HIF3A: variants seen among roughly 807,000 people sequenced by gnomAD.
HIF3A encodes hypoxia-inducible factor 3-alpha.
HIF3A carries 41 observed loss-of-function variants against 67.2 expected under a neutral mutation model. The ratio of observed to expected loss-of-function variants is 0.61; its 90% CI spans 0.48 to 0.79. The LOEUF (loss-of-function observed/expected upper bound fraction) is 0.79. Among genes scored for constraint, HIF3A ranks in the 30% least tolerant of loss-of-function variants. The pLI, the probability that HIF3A is intolerant of heterozygous loss-of-function variation, is 0.00. For synonymous variants in HIF3A, 356 were observed against 374.8 expected, an observed-to-expected ratio of 0.95 and a Z score of 0.58; for missense variants, 855 against 898.0, an observed-to-expected ratio of 0.95 and a Z score of 0.61.
chr19:46,337,967 G>A (rs543424067), intron 14 of HIF3A, among the ~76,000 whole-genome samples: 27 of 152,306 alleles, frequency 1.8e-4, no homozygotes, highest in African/African-American at 5.3e-4. Context: ...ATGGGTGGGC[G>A]GTGGCTAAGC....
At chr19:46,326,946 G>A (rs1191502123) in intron 11 of HIF3A, among the ~76,000 whole-genome samples, 1 of 152,140 alleles carries the variant, frequency 6.6e-6, no homozygotes, top group Non-Finnish European at 1.5e-5. Context: ...GAGGTCAGGA[G>A]ATCAAGACCG....
chr19:46,298,530 A>G (rs1326069272), intron 1 of HIF3A: 3 of 1,263,354 alleles, frequency 2.4e-6, no homozygotes, highest in Non-Finnish European at 3.1e-6. Flanking sequence ...TGGGCCCCCA[A>G]CACCTCCTTT....
At chr19:46,324,945 T>TATATATATATACACATATATATATAC (rs1970653823) in intron 10 of HIF3A, among the ~76,000 whole-genome samples, 3 of 130,326 alleles carry the variant, frequency 2.3e-5, no homozygotes, top group African/African-American at 6.0e-5. Context: ...TATATATACA[T>TATATATATATACACATATATATATAC]ATATATATAT....
chr19:46,302,221 CCA>C (rs1301918184), intron 1 of HIF3A, among the ~76,000 whole-genome samples: 4 of 151,626 alleles, frequency 2.6e-5, no homozygotes, highest in Non-Finnish European at 4.4e-5. Flanking sequence ...CCTCCACCTC[CCA>C]GGTTCAAGCG....
In HIF3A at chr19:46,332,478, T is replaced by C. The variant is rs182457523; in HGVS notation, c.1830+1205T>C. Among the ~76,000 whole-genome samples the C allele has an allele frequency of 1.8e-3, 267 of 152,230 alleles. 1 individual carries two copies. Among genetic ancestry groups the C allele is most frequent in the African/African-American group, 5.7e-3 (237 of 41,532 alleles). ...TCACCCGAGCCTGGGAGGTCAAGGC[T>C]GTAGTGAGCCATGATCGTGCCACTG... On this transcript the variant is annotated intron_variant, in intron 13 of 14. Coordinates refer to ENST00000377670, the MANE Select transcript of HIF3A (RefSeq NM_152795.4).
intron 10 of HIF3A, among the ~76,000 whole-genome samples, chr19:46,322,812 A>G (rs1970475376): frequency 6.6e-6 from 1 of 152,108 alleles, no homozygotes; most frequent in Non-Finnish European, 1.5e-5. Context: ...TTACTGGTTC[A>G]TTGTCAAGGA....
chr19:46,301,583 T>C (rs951905907), intron 1 of HIF3A, among the ~76,000 whole-genome samples: 4 of 152,094 alleles, frequency 2.6e-5, no homozygotes, highest in African/African-American at 4.8e-5. Context: ...CCCAGCACTT[T>C]GGGAGGCTGA....
At chr19:46,324,825 A>G (rs1172892331) in intron 10 of HIF3A, among the ~76,000 whole-genome samples, 1 of 148,372 alleles carries the variant, frequency 6.7e-6, no homozygotes, top group Non-Finnish European at 1.5e-5. Context: ...TTGCACTCCA[A>G]CCTGGGTGAC....
Position 46,308,723 on chromosome 19 carries a change from G to A in HIF3A, c.509G>A (p.Ser170Asn), listed in dbSNP as rs764928348. Residue 170 changes from serine to asparagine, a missense_variant, in exon 5 of 15, where the codon AGT (serine) becomes AAT (asparagine). Physicochemically the swap from Ser to Asn is conservative, Grantham distance 46. Coordinates refer to ENST00000377670, the MANE Select transcript of HIF3A (RefSeq NM_152795.4). ...CGGTGCTTCTCCTTGCGCATGAAGA[G>A]TACACTCACCAGCCGCGGGCGCACC... ...TERCFSLRMK[S>N]TLTSRGRTLN... 6.2e-7 allele frequency: 1 copy of A among 1,611,492 alleles called. No homozygotes were observed. The highest frequency in any genetic ancestry group is 2.2e-5 in the East Asian group (1 of 44,770).
At chr19:46,332,680 G>A (rs1971319280) in intron 13 of HIF3A, among the ~76,000 whole-genome samples, 1 of 152,090 alleles carries the variant, frequency 6.6e-6, no homozygotes, top group African/African-American at 2.4e-5. Context: ...ATGAGATGTG[G>A]TTGATAATAT....
intron 11 of HIF3A, among the ~76,000 whole-genome samples, chr19:46,326,253 T>A (rs1303524784): frequency 6.6e-6 from 1 of 152,102 alleles, no homozygotes; most frequent in Non-Finnish European, 1.5e-5. Context: ...TCCCTAAGTG[T>A]CCTCACAACA....
chr19:46,311,641 G>C (rs1488079697), intron 6 of HIF3A, among the ~76,000 whole-genome samples: 1 of 152,062 alleles, frequency 6.6e-6, no homozygotes, highest in Non-Finnish European at 1.5e-5. Context: ...AAAGCAGGAA[G>C]ATTGAGCCTG....
At chr19:46,327,681 C>T (rs1970891238) in intron 11 of HIF3A, among the ~76,000 whole-genome samples, 1 of 152,146 alleles carries the variant, frequency 6.6e-6, no homozygotes, top group Non-Finnish European at 1.5e-5. Flanking sequence ...GTCACCCTTA[C>T]TTTAGACCAG....
In HIF3A at chr19:46,312,554, G is replaced by A. The variant is rs757032732; in HGVS notation, c.926G>A (p.Arg309Gln). 1.4e-5 allele frequency: 23 copies of A among 1,613,564 alleles called. No individual in the cohort carries two copies. Among genetic ancestry groups the A allele is most frequent in the African/African-American group, 1.3e-4 (10 of 74,894 alleles). The change falls in exon 8 of 15, where the codon CGG becomes CAG. Residue 309 changes from arginine (R) to glutamine (Q), a missense_variant. By Grantham distance (43) the Arg-to-Gln change is conservative (BLOSUM62 1). This residue lies in a region of HIF3A where 638 missense variants were observed against 660.5 expected (regional missense o/e 0.97). Transcript: ENST00000377670. Reference sequence around the variant, plus strand: ...ACAGGGCAGTATCGCTTCCTGGCCCGGAGTGGTGGCTACCTGTGGACCCAG... The same window carrying A: ...ACAGGGCAGTATCGCTTCCTGGCCCAGAGTGGTGGCTACCTGTGGACCCAG... ...AVTGQYRFLARSGGYLWTQTQ... is the reference protein window; with the variant it reads ...AVTGQYRFLAQSGGYLWTQTQ...
At position 46,297,312 on chromosome 19, in the gene HIF3A, T is replaced by G. The variant is rs1967940188; in HGVS notation, c.26+210T>G. On this transcript the variant is annotated intron_variant, in intron 1 of 14. Transcript: ENST00000377670. This position sits in a 1 kb window ranked among gnomAD's most constrained non-coding sequence, Gnocchi z 4.5. Reference sequence around the variant, plus strand: ...TACGTCTCTGGCTGCCCCGCCCCTCTGGCCAAGAGCGGCTTCGGGGTTCCC... The same window carrying G: ...TACGTCTCTGGCTGCCCCGCCCCTCGGGCCAAGAGCGGCTTCGGGGTTCCC... 6.6e-6 allele frequency among the ~76,000 whole-genome samples: 1 copy of G among 152,118 alleles called. No homozygotes were observed. Among genetic ancestry groups the G allele is most frequent in the Non-Finnish European group, 1.5e-5 (1 of 67,994 alleles).
chr19:46,312,107 CCT>C, intron 6 of HIF3A, 52 bp from the exon 7 acceptor site: 1 of 1,303,278 alleles, frequency 7.7e-7, no homozygotes, highest in Non-Finnish European at 1.1e-6. Flanking sequence ...CTCTGCCTAC[CCT>C]CTCTCTCACC....
chr19:46,307,914 A>G (rs971690511), intron 3 of HIF3A, among the ~76,000 whole-genome samples: 9 of 152,260 alleles, frequency 5.9e-5, no homozygotes, highest in Middle Eastern at 6.8e-3. Flanking sequence ...AGCCTGGGCA[A>G]CAGAGCAAGA....
rs56080471 is a variant in HIF3A, at chr19:46,299,709, C to CA, written c.26+2621dup. On this transcript the variant is annotated intron_variant, in intron 1 of 14. Coordinates refer to ENST00000377670, the MANE Select transcript of HIF3A (RefSeq NM_152795.4). ...TGGACAACACAGCCGGACCTTGTCG[C>CA]AAAAAAAAAAAAAATAGAAAAATAG... is the stretch of plus-strand genomic sequence containing the variant. Among the ~76,000 whole-genome samples, 436 of 111,578 alleles carry CA rather than the reference C, an allele frequency of 3.9e-3. 14 individuals are homozygous for CA. Among genetic ancestry groups the CA allele is most frequent in the Middle Eastern group, 0.017 (4 of 232 alleles). The allele number at this position is 111,578 out of a possible 152,430, so 73.2% of individuals were successfully genotyped here. A position where few individuals can be genotyped will look rare whatever the true frequency, so the allele number is the denominator to read the frequency against.
At chr19:46,305,107 G>A (rs759928272) in intron 2 of HIF3A, 138 bp from the exon 3 acceptor site, 1 of 1,214,148 alleles carries the variant, frequency 8.2e-7, no homozygotes. Context: ...AGGCCACTAG[G>A]ATGTACCCCC....
Sources: allele counts gnomAD v4.1 joint callset (sites outside exome capture counted in the v4.1 genomes callset), GRCh38; gene constraint gnomAD v4.1.1; regional missense constraint gnomAD v4.1.1; non-coding constraint Gnocchi (gnomAD v3.1); transcripts MANE v1.5; gene names NCBI Gene and HGNC (gene_info 2026-07-23, HGNC 2026-07-21).